The following HECW1 variants were observed in gnomAD, a reference collection of about 807,000 sequenced individuals.
The protein encoded by HECW1 is E3 ubiquitin-protein ligase HECW1.
HECW1 carries 61 observed loss-of-function variants against 182.3 expected under a neutral mutation model. The observed-to-expected ratio is 0.33, with a 90% CI of 0.27 to 0.41. The LOEUF (loss-of-function observed/expected upper bound fraction) is 0.41. Ranked by LOEUF, HECW1 falls within the 10% of genes least tolerant of loss-of-function variation. HECW1 has a pLI of 1.00. For synonymous variants in HECW1, 859 were observed against 832.6 expected (o/e 1.03, Z -0.55); for missense variants, 1,739 against 2,108.9 (o/e 0.82, Z 3.44).
intron 8 of HECW1, among the ~76,000 whole-genome samples, chr7:43,429,570 G>T (rs2076478915): frequency 6.6e-6 from 1 of 151,936 alleles, no homozygotes; most frequent in African/African-American, 2.4e-5. Context: ...GTCTATCATT[G>T]TCCTTGACTT....
intron 2 of HECW1, among the ~76,000 whole-genome samples, chr7:43,138,812 G>A (rs949636141): frequency 1.3e-5 from 2 of 152,150 alleles, no homozygotes; most frequent in Non-Finnish European, 2.9e-5. Flanking sequence ...GGGGCAGGGG[G>A]AAGGGTGGGT....
At chr7:43,484,701 T>A (rs375047170) in intron 17 of HECW1, 1 of 152,252 alleles carries the variant, frequency 6.6e-6, no homozygotes, top group Non-Finnish European at 1.5e-5. Flanking sequence ...TGGATTGTCC[T>A]TTACCTCACC....
intron 6 of HECW1, among the ~76,000 whole-genome samples, chr7:43,383,688 A>G (rs2074650667): frequency 6.6e-6 from 1 of 152,180 alleles, no homozygotes; most frequent in Non-Finnish European, 1.5e-5. Context: ...AAATATTTCT[A>G]AGAAAATGCA....
intron 27 of HECW1, among the ~76,000 whole-genome samples, chr7:43,551,296 T>C (rs2081817107): frequency 6.6e-6 from 1 of 151,936 alleles, no homozygotes; most frequent in Non-Finnish European, 1.5e-5. Context: ...AAACAAGTCT[T>C]CCCAGATCTC....
intron 26 of HECW1, among the ~76,000 whole-genome samples, chr7:43,543,105 G>A (rs2081422006): frequency 6.6e-6 from 1 of 152,176 alleles, no homozygotes; most frequent in Non-Finnish European, 1.5e-5. Flanking sequence ...GATCAAATGG[G>A]TTACAATTTT....
At chr7:43,475,749 GAC>G (rs1276684721) in intron 16 of HECW1, among the ~76,000 whole-genome samples, 1 of 152,006 alleles carries the variant, frequency 6.6e-6, no homozygotes, top group Non-Finnish European at 1.5e-5. Context: ...TTTTGGTAGA[GAC>G]AGGTTTTCGC....
In HECW1 at chr7:43,488,436, G is replaced by GAAAGAAAGAA. The variant is rs1179297041; in HGVS notation, c.3235-3637_3235-3628dup. Among the ~76,000 whole-genome samples, 381 of 99,486 alleles carry GAAAGAAAGAA rather than the reference G, an allele frequency of 3.8e-3. 7 individuals carry two copies. The highest frequency in any genetic ancestry group is 0.015 in the African/African-American group (363 of 24,020). The allele number at this position is 99,486 out of a possible 152,430, so 65.3% of individuals were successfully genotyped here. ...AGAGAGAGAGAGAAAGAAAGAAAGA[G>GAAAGAAAGAA]AAAGAAAGAAAGAAAGAAAGAAAGA... On this transcript the variant is annotated intron_variant, in intron 17 of 29. Transcript: ENST00000395891.
At chr7:43,372,043 A>G (rs1478078339) in intron 6 of HECW1, among the ~76,000 whole-genome samples, 1 of 151,960 alleles carries the variant, frequency 6.6e-6, no homozygotes, top group Non-Finnish European at 1.5e-5. Flanking sequence ...TCTGGTCTTG[A>G]ACTCCTGACC....
chr7:43,288,442 C>T (rs1321181960), intron 3 of HECW1, among the ~76,000 whole-genome samples: 1 of 152,160 alleles, frequency 6.6e-6, no homozygotes, highest in Non-Finnish European at 1.5e-5. Context: ...AAGTTGAACA[C>T]CCTCCTTAAA....
intron 10 of HECW1, among the ~76,000 whole-genome samples, chr7:43,443,367 A>G (rs2152876722): frequency 6.6e-6 from 1 of 152,332 alleles, no homozygotes; most frequent in Middle Eastern, 3.4e-3. Context: ...GTGCCAATAT[A>G]CAACTTAGAT....
At chr7:43,221,140 T>C (rs1037947631) in intron 2 of HECW1, among the ~76,000 whole-genome samples, 1 of 152,184 alleles carries the variant, frequency 6.6e-6, no homozygotes, top group African/African-American at 2.4e-5. Context: ...CTTTTGTTAC[T>C]TGGATCCCTT....
At chr7:43,221,767 A>G (rs1294715239) in intron 2 of HECW1, among the ~76,000 whole-genome samples, 1 of 151,682 alleles carries the variant, frequency 6.6e-6, no homozygotes, top group Non-Finnish European at 1.5e-5. Context: ...ATTAGCCAGG[A>G]TGGTGTCGAT....
chr7:43,249,414 C>T (rs1456467223), intron 3 of HECW1: 1 of 152,292 alleles, frequency 6.6e-6, no homozygotes, highest in Non-Finnish European at 1.5e-5. Context: ...CATTGAACAA[C>T]TTCTGAGCCT....
At chr7:43,322,811 G>GT (rs1184043581) in intron 5 of HECW1, among the ~76,000 whole-genome samples, 1 of 152,100 alleles carries the variant, frequency 6.6e-6, no homozygotes, top group African/African-American at 2.4e-5. Flanking sequence ...GGTAAGAGAG[G>GT]TTTTTCTCTC....
chr7:43,313,606 G>A lies in HECW1; in HGVS notation c.352+1519G>A, dbSNP rs57682217. Among the ~76,000 whole-genome samples the A allele has an allele frequency of 2.6e-4, 40 of 152,212 alleles. No homozygotes were observed. In the East Asian group the frequency reaches 7.5e-3, roughly 29 times the overall value. ...CCTGCCTTGGCTTCCCATAGTGCTG[G>A]GATTACAGGTGTGAGCCACTGCCCT... On this transcript the variant is annotated intron_variant, in intron 4 of 29. Coordinates refer to ENST00000395891, the MANE Select transcript of HECW1 (RefSeq NM_015052.5).
intron 5 of HECW1, among the ~76,000 whole-genome samples, chr7:43,336,664 T>C (rs1284721107): frequency 3.3e-5 from 5 of 152,182 alleles, no homozygotes; most frequent in Non-Finnish European, 5.9e-5. Context: ...TATTGAATAT[T>C]GAACTCAATA....
intron 5 of HECW1, among the ~76,000 whole-genome samples, chr7:43,324,990 A>G (rs1810590035): frequency 6.6e-6 from 1 of 152,212 alleles, no homozygotes; most frequent in Non-Finnish European, 1.5e-5. Context: ...ATTGATTTAT[A>G]CAATTTTTAA....
At chr7:43,412,794 T>C (rs1274280856) in intron 8 of HECW1, among the ~76,000 whole-genome samples, 1 of 151,488 alleles carries the variant, frequency 6.6e-6, no homozygotes, top group Non-Finnish European at 1.5e-5. Context: ...CATCATTTTT[T>C]ATGGCTGCAT....
At chr7:43,229,634 T>TA (rs59002992) in intron 2 of HECW1, among the ~76,000 whole-genome samples, 63,013 of 150,552 alleles carry the variant, frequency 0.42, 13,448 homozygotes, top group Middle Eastern at 0.49. Context: ...AAATAAAAGT[T>TA]AAAAAAAAAA....
Sources: gnomAD v4.1 joint callset for allele counts (sites outside exome capture counted in the v4.1 genomes callset) on GRCh38, gnomAD v4.1.1 for gene constraint, MANE v1.5 for transcripts, NCBI Gene and HGNC (gene_info 2026-07-23, HGNC 2026-07-21) for gene names.